COL4A2: variants seen among roughly 807,000 people sequenced by gnomAD.
COL4A2 encodes collagen type IV alpha 2 chain.
A neutral mutation model predicts 200.2 loss-of-function variants in COL4A2; 99 were observed. The observed-to-expected ratio is 0.49, with a 90% CI of 0.42 to 0.58. The LOEUF (loss-of-function observed/expected upper bound fraction) is 0.58. Among genes scored for constraint, COL4A2 ranks in the 20% least tolerant of loss-of-function variants. COL4A2 has a pLI of 0.00. For synonymous variants in COL4A2, 897 were observed against 900.6 expected (o/e 1.00, Z 0.07); for missense variants, 1,950 against 2,314.1 (o/e 0.84, Z 3.23).
At chr13:110,374,143 C>G (rs1054026951) in intron 4 of COL4A2, among the ~76,000 whole-genome samples, 1 of 152,162 alleles carries the variant, frequency 6.6e-6, no homozygotes, top group Admixed American at 6.5e-5. Context: ...TGTCATGATA[C>G]CCAGCATTGA....
At chr13:110,319,682 C>A (rs1885230086) in intron 3 of COL4A2, among the ~76,000 whole-genome samples, 1 of 152,172 alleles carries the variant, frequency 6.6e-6, no homozygotes, top group Non-Finnish European at 1.5e-5. Flanking sequence ...CCCTTTCTTC[C>A]TTATTTGGTA....
At chr13:110,337,853 C>A (rs938282363) in intron 3 of COL4A2, among the ~76,000 whole-genome samples, 1 of 152,186 alleles carries the variant, frequency 6.6e-6, no homozygotes, top group African/African-American at 2.4e-5. Flanking sequence ...AGCATTGATA[C>A]TTGTGAAGAT....
intron 3 of COL4A2, among the ~76,000 whole-genome samples, chr13:110,322,494 A>G (rs888989900): frequency 2.6e-5 from 4 of 152,172 alleles, no homozygotes; most frequent in Non-Finnish European, 5.9e-5. Context: ...ACTGCGTGAG[A>G]TTCCTCAGGA....
chr13:110,474,743 G>GC (rs1882624943), intron 29 of COL4A2, among the ~76,000 whole-genome samples: 1 of 106,782 alleles, frequency 9.4e-6, no homozygotes, highest in Non-Finnish European at 2.0e-5. Context: ...CCACACACGT[G>GC]CCGTGCACAC....
chr13:110,414,954 C>T (rs1270568626), intron 4 of COL4A2, among the ~76,000 whole-genome samples: 1 of 152,134 alleles, frequency 6.6e-6, no homozygotes, highest in Non-Finnish European at 1.5e-5. Context: ...TCTTTTTCCC[C>T]TGTCTTTCTG....
intron 4 of COL4A2, among the ~76,000 whole-genome samples, chr13:110,375,628 G>A (rs768848957): frequency 9.9e-5 from 15 of 152,108 alleles, no homozygotes; most frequent in African/African-American, 3.4e-4. Flanking sequence ...TCAGGAGTTC[G>A]AGACCAGCCT....
rs545843015 is a variant in COL4A2, at chr13:110,413,677, G to A, written c.181-11057G>A. Among the ~76,000 whole-genome samples, 223 of 152,342 alleles carry A rather than the reference G, an allele frequency of 1.5e-3. 1 individual carries two copies. The highest frequency in any genetic ancestry group is 5.1e-3 in the African/African-American group (211 of 41,578). The stretch of plus-strand genomic sequence containing the variant: ...GACAAAAAAACGCAAAGGCTATGGC[G>A]GGGTGGCTCGCAGAGCCTGCAGAGC... On this transcript the variant is annotated intron_variant, in intron 4 of 47. Transcript: ENST00000360467.
In COL4A2 at chr13:110,465,866, C is replaced by T. The variant is rs888430306; in HGVS notation, c.1979-137C>T. 2.8e-6 allele frequency: 3 copies of T among 1,089,824 alleles called. No homozygotes were observed. In the African/African-American group the frequency reaches 4.7e-5, roughly 17 times the overall value. 67.5% of individuals were successfully genotyped at this position (1,089,824 alleles called of 1,614,324 possible). ...AAGTTCAGAGATGGCTTTCCCGTTC[C>T]CTGCCCATTTCAAAGCCTTCCTGCC... On this transcript the variant is annotated intron_variant, in intron 25 of 47. Coordinates refer to ENST00000360467, the MANE Select transcript of COL4A2 (RefSeq NM_001846.4).
At chr13:110,437,339 TC>T (rs1269206126) in intron 13 of COL4A2, among the ~76,000 whole-genome samples, 2 of 152,122 alleles carry the variant, frequency 1.3e-5, no homozygotes, top group Non-Finnish European at 2.9e-5. Context: ...TGCTCAATCT[TC>T]CGAGTCAAGT....
chr13:110,438,450 C>G (rs1003305487), intron 14 of COL4A2, 168 bp from the exon 15 acceptor site: 1 of 895,496 alleles, frequency 1.1e-6, no homozygotes, highest in South Asian at 1.3e-5. Flanking sequence ...GCTGGCGGGT[C>G]TCCTAGGACC....
At chr13:110,469,355 C>T (rs1477401847) in intron 28 of COL4A2, 31 bp downstream of exon 28, 7 of 1,552,258 alleles carry the variant, frequency 4.5e-6, no homozygotes, top group African/African-American at 1.4e-5. Context: ...CATTCAGCCC[C>T]TGGGTTCCAG....
At chr13:110,397,699 G>A (rs1594191027) in intron 4 of COL4A2, among the ~76,000 whole-genome samples, 1 of 152,170 alleles carries the variant, frequency 6.6e-6, no homozygotes, top group African/African-American at 2.4e-5. Context: ...CGTGTCAGCC[G>A]CATGTGGATG....
At chr13:110,326,207 G>A (rs1594147351) in intron 3 of COL4A2, among the ~76,000 whole-genome samples, 1 of 152,202 alleles carries the variant, frequency 6.6e-6, no homozygotes, top group Non-Finnish European at 1.5e-5. Flanking sequence ...AACCTGGGAG[G>A]AGATCTGAAT....
chr13:110,351,743 T>G (rs1876968181), intron 3 of COL4A2, among the ~76,000 whole-genome samples: 1 of 152,144 alleles, frequency 6.6e-6, no homozygotes, highest in Admixed American at 6.5e-5. Context: ...GCCTCCAGGT[T>G]GGTGTGTGAT....
At chr13:110,455,434 A>G (rs1053707734) in intron 20 of COL4A2, among the ~76,000 whole-genome samples, 11 of 152,138 alleles carry the variant, frequency 7.2e-5, no homozygotes, top group Admixed American at 4.6e-4. Flanking sequence ...GACTCAGCTG[A>G]CTACCCCCAA....
Position 110,473,961 on chromosome 13 carries a change from C to CAAA in COL4A2, c.2425+819_2425+821dup, listed in dbSNP as rs10626415. Among the ~76,000 whole-genome samples the CAAA allele has an allele frequency of 3.1e-3, 447 of 146,540 alleles. 3 individuals carry two copies. The highest frequency in any genetic ancestry group is 9.4e-3 in the African/African-American group (375 of 39,716). ...GCTACATAGGGAGACCCCATTTCTA[C>CAAA]AAAAAAAAAATAATAATTAACTGGG... On this transcript the variant is annotated intron_variant, in intron 29 of 47. Coordinates refer to ENST00000360467, the MANE Select transcript of COL4A2 (RefSeq NM_001846.4).
At chr13:110,477,183 CA>C (rs533819423) in intron 29 of COL4A2, among the ~76,000 whole-genome samples, 2 of 152,170 alleles carry the variant, frequency 1.3e-5, no homozygotes, top group East Asian at 3.9e-4. Flanking sequence ...ACCCTGTCTC[CA>C]TTTAAAAAAG....
In COL4A2 at chr13:110,504,012, G is replaced by C; in HGVS notation, c.4285+19G>C. On this transcript the variant is annotated intron_variant, in intron 44 of 47. Transcript: ENST00000360467. ...GAACCAGGTAGAGTGCTGAGCTGGG[G>C]CCTGGAGCCCCTCGGGGCTGCCCGG... 1 of 1,554,338 alleles carries C rather than the reference G, an allele frequency of 6.4e-7. No homozygotes were observed. Among genetic ancestry groups the C allele is most frequent in the African/African-American group, 1.4e-5 (1 of 72,548 alleles).
At chr13:110,479,201 T>TA (rs1360452909) in intron 30 of COL4A2, among the ~76,000 whole-genome samples, 3 of 151,670 alleles carry the variant, frequency 2.0e-5, no homozygotes, top group African/African-American at 7.3e-5. Flanking sequence ...GTGTGGTGCT[T>TA]ACGAGACCCA....
Sources: allele counts gnomAD v4.1 joint callset (sites outside exome capture counted in the v4.1 genomes callset), GRCh38; gene constraint gnomAD v4.1.1; transcripts MANE v1.5; gene names NCBI Gene and HGNC (gene_info 2026-07-23, HGNC 2026-07-21).